Variants in ZNF423 observed in about 807,000 individuals in gnomAD.
ZNF423 encodes Ebf-associated zinc finger protein.
Under a neutral mutation model 95.8 loss-of-function variants are expected in ZNF423, and 12 were observed. The observed-to-expected ratio is 0.13, with a 90% CI of 0.08 to 0.20. The LOEUF (loss-of-function observed/expected upper bound fraction) is 0.20. Ranked by LOEUF, ZNF423 falls within the 10% of genes least tolerant of loss-of-function variation. The pLI, the probability that ZNF423 is intolerant of heterozygous loss-of-function variation, is 1.00. For missense variants in ZNF423, 1,316 were observed against 1,737.1 expected, an observed-to-expected ratio of 0.76 and a Z score of 4.31; for synonymous variants, 749 against 711.9, an observed-to-expected ratio of 1.05 and a Z score of -0.83.
chr16:49,835,556 G>A (rs1044954908), intron 1 of ZNF423, among the ~76,000 whole-genome samples: 10 of 152,216 alleles, frequency 6.6e-5, no homozygotes, highest in African/African-American at 2.2e-4. Context: ...AGTCTGCTCC[G>A]GGGAGATGCG....
At chr16:49,705,543 T>C (rs1373593220) in intron 3 of ZNF423, among the ~76,000 whole-genome samples, 1 of 152,182 alleles carries the variant, frequency 6.6e-6, no homozygotes, top group Non-Finnish European at 1.5e-5. Context: ...GTGAGTTTAT[T>C]TTATTTTTTG....
chr16:49,789,918 G>T (rs2034384495), intron 1 of ZNF423, among the ~76,000 whole-genome samples: 1 of 152,050 alleles, frequency 6.6e-6, no homozygotes, highest in Admixed American at 6.6e-5. Flanking sequence ...TAGACCTCAG[G>T]ACACGCTGAG....
intron 1 of ZNF423, among the ~76,000 whole-genome samples, chr16:49,842,365 A>AGG (rs2035196673): frequency 2.2e-5 from 1 of 46,176 alleles, no homozygotes; most frequent in African/African-American, 8.6e-5. Context: ...AGGGAGAGAG[A>AGG]CAGGAAGGAA....
chr16:49,756,609 T>A (rs2143608219), intron 2 of ZNF423, among the ~76,000 whole-genome samples: 1 of 152,186 alleles, frequency 6.6e-6, no homozygotes, highest in African/African-American at 2.4e-5. Flanking sequence ...TCCCTGCCCA[T>A]CCCTTAAGCT....
chr16:49,685,507 C>A (rs577997792), intron 3 of ZNF423, among the ~76,000 whole-genome samples: 3 of 152,206 alleles, frequency 2.0e-5, no homozygotes, highest in Admixed American at 2.0e-4. Context: ...AGGGGAAAGA[C>A]TTCTCTGCCT....
At chr16:49,793,934 G>A (rs553712183) in intron 1 of ZNF423, among the ~76,000 whole-genome samples, 1 of 152,300 alleles carries the variant, frequency 6.6e-6, no homozygotes, top group East Asian at 1.9e-4. Context: ...TCCCAGCAGT[G>A]GGGTTCTGTA....
chr16:49,852,101 A>T (rs1158864827), intron 1 of ZNF423, among the ~76,000 whole-genome samples: 1 of 152,122 alleles, frequency 6.6e-6, no homozygotes, highest in Non-Finnish European at 1.5e-5. Context: ...AATTATTTCC[A>T]TGGAAACACG....
At chr16:49,510,598 C>T (rs1967847705) in intron 7 of ZNF423, among the ~76,000 whole-genome samples, 1 of 152,202 alleles carries the variant, frequency 6.6e-6, no homozygotes, top group Admixed American at 6.5e-5. Context: ...GCTATGAGCC[C>T]AGGTGGTCTG....
chr16:49,697,683 C>T (rs1319643653), intron 3 of ZNF423, among the ~76,000 whole-genome samples: 1 of 152,266 alleles, frequency 6.6e-6, no homozygotes, highest in Non-Finnish European at 1.5e-5. Flanking sequence ...AAGCAGTACC[C>T]TGGACCGTGC....
intron 3 of ZNF423, among the ~76,000 whole-genome samples, chr16:49,723,331 G>A (rs1431449235): frequency 3.9e-5 from 6 of 152,188 alleles, no homozygotes; most frequent in Non-Finnish European, 7.3e-5. Flanking sequence ...CACCAGTGTG[G>A]CACCAATGGA....
chr16:49,625,280 G>A (rs928142050), intron 5 of ZNF423, among the ~76,000 whole-genome samples: 1 of 152,212 alleles, frequency 6.6e-6, no homozygotes, highest in Non-Finnish European at 1.5e-5. Flanking sequence ...TTGAACCCGG[G>A]TGGCAGAGGT....
intron 3 of ZNF423, among the ~76,000 whole-genome samples, chr16:49,671,139 G>C (rs1449428023): frequency 1.3e-5 from 2 of 152,226 alleles, no homozygotes; most frequent in African/African-American, 4.8e-5. Context: ...GACTAGGAAG[G>C]CCCAGCTTCC....
rs35566540 is a variant in ZNF423, at chr16:49,754,029, C to CAA, written c.101-23060_101-23059dup. On this transcript the variant is annotated intron_variant, in intron 2 of 7. Transcript: ENST00000563137. ...CTGGGCGACAAGAGCAAGACTCCGT[C>CAA]AAAAAAAAAAAAAAAAGCCAGGCAT... is the stretch of plus-strand genomic sequence containing the variant. Among the ~76,000 whole-genome samples, 97 of 91,708 alleles carry CAA rather than the reference C, an allele frequency of 1.1e-3. 1 individual carries two copies. The South Asian group carries it at 0.02, about 19-fold the overall frequency. 60.2% of individuals were successfully genotyped at this position (91,708 alleles called of 152,430 possible).
chr16:49,550,459 A>C (rs1969594054), intron 5 of ZNF423, among the ~76,000 whole-genome samples: 1 of 152,200 alleles, frequency 6.6e-6, no homozygotes, highest in Admixed American at 6.5e-5. Flanking sequence ...TGCCTATTTC[A>C]ATTCCCTCAT....
At chr16:49,852,591 C>CACT (rs1377394056) in intron 1 of ZNF423, among the ~76,000 whole-genome samples, 1 of 152,038 alleles carries the variant, frequency 6.6e-6, no homozygotes, top group African/African-American at 2.4e-5. Context: ...GAGAACAAAT[C>CACT]ACTGCAACCA....
At position 49,523,678 on chromosome 16, in the gene ZNF423, C is replaced by T. The variant is rs1968492458; in HGVS notation, c.3795G>A (p.Lys1265=). 1 of 1,614,202 alleles carries T rather than the reference C, an allele frequency of 6.2e-7. No homozygotes were observed. Among genetic ancestry groups the T allele is most frequent in the Non-Finnish European group, 8.5e-7 (1 of 1,180,038 alleles). The change falls in exon 7 of 8, where the codon AAG becomes AAA. Residue 1265 remains lysine, a synonymous_variant. Transcript: ENST00000563137. ...HIFAVHGQED[K]IYDCSQCPQK... is the part of the protein sequence containing the mutation. Reference sequence around the variant, plus strand: ...GAGGGCACTGTGAGCAGTCGTAGATCTTGTCCTCCTGCCCGTGCACGGCAA... The same window carrying T: ...GAGGGCACTGTGAGCAGTCGTAGATTTTGTCCTCCTGCCCGTGCACGGCAA...
intron 3 of ZNF423, among the ~76,000 whole-genome samples, chr16:49,683,878 C>T (rs907845517): frequency 3.3e-5 from 5 of 152,168 alleles, no homozygotes; most frequent in African/African-American, 1.2e-4. Context: ...AGGAACCAGC[C>T]TGGGCAACAT....
chr16:49,614,509 A>C (rs755208881), intron 5 of ZNF423, among the ~76,000 whole-genome samples: 2 of 152,218 alleles, frequency 1.3e-5, no homozygotes, highest in Non-Finnish European at 2.9e-5. Context: ...TCTTGAAATG[A>C]TAAAATTATA....
chr16:49,820,262 A>G lies in ZNF423; in HGVS notation c.41-30716T>C, dbSNP rs536439803. 3.3e-5 allele frequency among the ~76,000 whole-genome samples: 5 copies of G among 152,332 alleles called. No individual in the cohort carries two copies. The East Asian group carries it at 9.7e-4, about 29-fold the overall frequency. ...CCTCCCTTGATTGACCTGCTAGAGC[A>G]TGAACCCTCTGCTTAATCCCATAGC... On this transcript the variant is annotated intron_variant, in intron 1 of 7. Coordinates refer to ENST00000563137, the MANE Select transcript of ZNF423 (RefSeq NM_001379286.1).
Sources: allele counts gnomAD v4.1 joint callset (sites outside exome capture counted in the v4.1 genomes callset), GRCh38; gene constraint gnomAD v4.1.1; transcripts MANE v1.5; gene names NCBI Gene and HGNC (gene_info 2026-07-23, HGNC 2026-07-21).